Variants in SPATA6 observed in about 807,000 individuals in gnomAD.
SPATA6 encodes spermatogenesis associated 6, also known as spermatogenesis-associated protein 6.
In SPATA6, 56 loss-of-function variants were observed where a neutral mutation model predicts 65.3. That is an observed-to-expected ratio of 0.86 (90% CI 0.69 to 1.07). The LOEUF (loss-of-function observed/expected upper bound fraction) is 1.07. Ranked by LOEUF, SPATA6 falls within the 50% of genes least tolerant of loss-of-function variation. The pLI, the probability that SPATA6 is intolerant of heterozygous loss-of-function variation, is 0.00. For missense variants in SPATA6, 590 were observed against 594.8 expected (o/e 0.99, Z 0.08); for synonymous variants, 199 against 213.2 (o/e 0.93, Z 0.58).
intron 3 of SPATA6, among the ~76,000 whole-genome samples, chr1:48,421,544 C>T (rs1371839176): frequency 1.3e-5 from 2 of 151,718 alleles, no homozygotes; most frequent in East Asian, 1.9e-4. Context: ...TTAAGCCAAT[C>T]GTAAATAAAT....
chr1:48,442,164 G>T (rs1247671998), intron 3 of SPATA6, among the ~76,000 whole-genome samples: 1 of 152,150 alleles, frequency 6.6e-6, no homozygotes, highest in Non-Finnish European at 1.5e-5. Context: ...CATAGTTAGT[G>T]ATGTAACAGT....
chr1:48,314,326 A>G (rs1201112600), intron 11 of SPATA6, among the ~76,000 whole-genome samples: 1 of 152,160 alleles, frequency 6.6e-6, no homozygotes, highest in Non-Finnish European at 1.5e-5. Flanking sequence ...AAGAACAGAA[A>G]TTATAACAAA....
chr1:48,311,830 G>A (rs7542214), intron 11 of SPATA6, among the ~76,000 whole-genome samples: 2,484 of 152,294 alleles, frequency 0.016, 79 homozygotes, highest in African/African-American at 0.057. Flanking sequence ...CAAGGAAAAG[G>A]GTGACAGATG....
At chr1:48,346,231 T>A (rs1448569720) in intron 11 of SPATA6, among the ~76,000 whole-genome samples, 1 of 152,130 alleles carries the variant, frequency 6.6e-6, no homozygotes, top group Non-Finnish European at 1.5e-5. Flanking sequence ...AAAAACCACA[T>A]GATTATCTCA....
chr1:48,394,670 T>C (rs1267516279), intron 8 of SPATA6, among the ~76,000 whole-genome samples: 1 of 152,070 alleles, frequency 6.6e-6, no homozygotes, highest in Admixed American at 6.6e-5. Context: ...TTATTTTTTT[T>C]CACTCAATCT....
rs1644803380 is a variant in SPATA6, at chr1:48,295,800, G to A, written c.*2913C>T. 6.6e-6 allele frequency: 1 copy of A among 151,994 alleles called. No individual in the cohort carries two copies. Among genetic ancestry groups the A allele is most frequent in the African/African-American group, 2.4e-5 (1 of 41,374 alleles). 9.4% of individuals were successfully genotyped at this position (151,994 alleles called of 1,614,324 possible). A position where few individuals can be genotyped will look rare whatever the true frequency, so the allele number is the denominator to read the frequency against. ...ATTTGTTCCAGATTTTTCATCAGGG[G>A]CTTAATCTTTGGAAATCAGAAAACA... On this transcript the variant is annotated 3_prime_UTR_variant, in exon 13 of 13. Transcript: ENST00000371847.
chr1:48,337,323 T>C (rs974774677), intron 11 of SPATA6, among the ~76,000 whole-genome samples: 1 of 151,830 alleles, frequency 6.6e-6, no homozygotes, highest in East Asian at 1.9e-4. Flanking sequence ...TAAAACCTTA[T>C]ATTTGTAATT....
intron 3 of SPATA6, 115 bp from the exon 4 acceptor site, chr1:48,413,266 G>T: frequency 3.1e-6 from 1 of 319,660 alleles, no homozygotes; most frequent in Non-Finnish European, 5.7e-6. Flanking sequence ...CTACATATAT[G>T]TTTATATATT....
chr1:48,432,796 G>A (rs2148064628), intron 3 of SPATA6, among the ~76,000 whole-genome samples: 1 of 152,244 alleles, frequency 6.6e-6, no homozygotes, highest in African/African-American at 2.4e-5. Flanking sequence ...CAAAAGCATG[G>A]AAAGTAGGAT....
intron 9 of SPATA6, among the ~76,000 whole-genome samples, chr1:48,379,477 G>C (rs114169902): frequency 6.6e-6 from 1 of 152,144 alleles, no homozygotes; most frequent in Non-Finnish European, 1.5e-5. Flanking sequence ...TTGGGGTATG[G>C]TGGGCAGAAT....
intron 5 of SPATA6, among the ~76,000 whole-genome samples, chr1:48,410,844 C>G (rs1286999356): frequency 6.6e-6 from 1 of 152,190 alleles, no homozygotes; most frequent in Non-Finnish European, 1.5e-5. Flanking sequence ...CCCTGACACA[C>G]AAGGATTACA....
At chr1:48,288,548 A>G in the SPATA6 span, among the ~76,000 whole-genome samples, 1 of 152,194 alleles carries the variant, frequency 6.6e-6, no homozygotes, top group South Asian at 2.1e-4. Flanking sequence ...AGGACAAGGC[A>G]TCACCTCACC....
the SPATA6 span, chr1:48,263,089 A>T: frequency 6.6e-6 from 1 of 152,094 alleles, no homozygotes; most frequent in Non-Finnish European, 1.5e-5. Flanking sequence ...GCAGATGAAG[A>T]TCTGACAATA....
the SPATA6 span, among the ~76,000 whole-genome samples, chr1:48,285,049 G>A: frequency 6.6e-6 from 1 of 152,176 alleles, no homozygotes; most frequent in South Asian, 2.1e-4. Flanking sequence ...TCCCCCAGGT[G>A]CTCTGTCCCA....
the SPATA6 span, among the ~76,000 whole-genome samples, chr1:48,290,161 C>T: frequency 6.6e-6 from 1 of 152,196 alleles, no homozygotes. Context: ...TTGGCAGAAA[C>T]TTTACAAGCC....
chr1:48,400,531 G>T (rs554123904), intron 6 of SPATA6, among the ~76,000 whole-genome samples: 60 of 151,992 alleles, frequency 3.9e-4, no homozygotes, highest in African/African-American at 1.4e-3. Flanking sequence ...AATGGACTGC[G>T]GAGAATTTTT....
intron 11 of SPATA6, among the ~76,000 whole-genome samples, chr1:48,308,810 T>C (rs867395365): frequency 3.7e-4 from 56 of 152,190 alleles, no homozygotes; most frequent in South Asian, 2.1e-4. Flanking sequence ...TTAAATCTTA[T>C]TGAGGAACAC....
chr1:48,381,662 T>A (rs534652959), intron 9 of SPATA6, among the ~76,000 whole-genome samples: 16 of 144,402 alleles, frequency 1.1e-4, no homozygotes, highest in South Asian at 8.9e-4. Flanking sequence ...TTTTTTTTTT[T>A]TATATGAATA....
chr1:48,404,356 C>T (rs1651483152), intron 5 of SPATA6, among the ~76,000 whole-genome samples: 1 of 151,930 alleles, frequency 6.6e-6, no homozygotes, highest in Non-Finnish European at 1.5e-5. Flanking sequence ...ATTAGTATTA[C>T]TCAATTAATT....
Sources: gnomAD v4.1 joint callset for allele counts (sites outside exome capture counted in the v4.1 genomes callset) on GRCh38, gnomAD v4.1.1 for gene constraint, MANE v1.5 for transcripts, NCBI Gene and HGNC (gene_info 2026-07-23, HGNC 2026-07-21) for gene names.